Variants in SLC16A12 observed in about 807,000 individuals in gnomAD.
SLC16A12 encodes the protein solute carrier family 16 member 12.
A neutral mutation model predicts 42.4 loss-of-function variants in SLC16A12; 17 were observed. The ratio of observed to expected loss-of-function variants is 0.40; its 90% CI spans 0.27 to 0.60. SLC16A12 has a LOEUF of 0.60. Ranked by LOEUF, SLC16A12 falls within the 20% of genes least tolerant of loss-of-function variation. The pLI is 0.42. For missense variants in SLC16A12, 544 were observed against 623.0 expected, an observed-to-expected ratio of 0.87 and a Z score of 1.35; for synonymous variants, 224 against 229.4, an observed-to-expected ratio of 0.98 and a Z score of 0.21.
rs577592330 is a variant in SLC16A12 at position 89,476,188 on chromosome 10, T to A, written c.-46-13564A>T. ...TATGGCATCATTAAGTCAGATTATA[T>A]CGGAGGCATCTTGGCTGTAAAGGAG... On this transcript the variant is annotated intron_variant, in intron 2 of 7. Transcript: ENST00000371790. Among the ~76,000 whole-genome samples, 165 of 152,294 alleles carry A rather than the reference T, an allele frequency of 1.1e-3. 1 individual carries two copies. Among genetic ancestry groups the A allele is most frequent in the Non-Finnish European group, 4.7e-4 (32 of 68,036 alleles).
intron 3 of SLC16A12, among the ~76,000 whole-genome samples, chr10:89,445,519 G>A (rs1202149085): frequency 5.3e-5 from 8 of 152,228 alleles, no homozygotes; most frequent in Non-Finnish European, 8.8e-5. Context: ...GGACCTGACT[G>A]TTAGAAGGAA....
chr10:89,486,665 AAAGAAAG>A (rs1253452263), intron 2 of SLC16A12, among the ~76,000 whole-genome samples: 1 of 90,294 alleles, frequency 1.1e-5, no homozygotes. Context: ...GAAAGAAAGA[AAAGAAAG>A]AAAGAAAGAA....
chr10:89,457,018 G>A (rs1055472510), intron 3 of SLC16A12, among the ~76,000 whole-genome samples: 3 of 152,076 alleles, frequency 2.0e-5, no homozygotes, highest in Admixed American at 6.6e-5. Flanking sequence ...CTGAACATAC[G>A]TGTGCATATA....
At chr10:89,539,902 T>TTTCC (rs1554834028), upstream of SLC16A12, among the ~76,000 whole-genome samples, 1 of 147,986 alleles carries the variant, frequency 6.8e-6, no homozygotes, top group African/African-American at 2.6e-5. Context: ...TCTTTCTTTC[T>TTTCC]TTCTTTCTTT....
intron 2 of SLC16A12, among the ~76,000 whole-genome samples, chr10:89,555,547 A>G (rs1843807272): frequency 6.8e-6 from 1 of 146,368 alleles, no homozygotes. Context: ...ATGTATGTAT[A>G]TACGTATATA....
chr10:89,550,422 G>A (rs558809834), intron 2 of SLC16A12, among the ~76,000 whole-genome samples: 2 of 152,190 alleles, frequency 1.3e-5, no homozygotes, highest in African/African-American at 2.4e-5. Context: ...GGGAGGCTGA[G>A]ACAGGAGAAT....
intron 2 of SLC16A12, among the ~76,000 whole-genome samples, chr10:89,523,902 G>A (rs1351323311): frequency 6.6e-6 from 1 of 152,124 alleles, no homozygotes; most frequent in South Asian, 2.1e-4. Context: ...TAAAACAAAA[G>A]GTGCAATGAC....
intron 2 of SLC16A12, among the ~76,000 whole-genome samples, chr10:89,507,877 G>A (rs1843091109): frequency 6.6e-6 from 1 of 152,176 alleles, no homozygotes; most frequent in South Asian, 2.1e-4. Flanking sequence ...TAAAGGGATG[G>A]AGGAAGATCT....
rs1029853996 is a variant in SLC16A12, at chr10:89,441,359, C to T, written c.305-108G>A. The T allele has an allele frequency of 2.2e-6, 3 of 1,352,858 alleles. No individual in the cohort carries two copies. The Admixed American group carries it at 5.6e-5, about 25-fold the overall frequency. The allele number at this position is 1,352,858 out of a possible 1,614,324, so 83.8% of individuals were successfully genotyped here. The stretch of plus-strand genomic sequence containing the variant: ...AGAACCTTTAAAGCATTGAGCCCAC[C>T]CTATTAATTCTGCAGCTTTGGAAAC... On this transcript the variant is annotated intron_variant, in intron 4 of 7. Transcript: ENST00000371790.
intron 2 of SLC16A12, among the ~76,000 whole-genome samples, chr10:89,542,696 A>G (rs1279992524): frequency 2.0e-5 from 3 of 152,140 alleles, no homozygotes; most frequent in Admixed American, 1.3e-4. Context: ...GAACCACTAT[A>G]CTTCCATTAC....
At chr10:89,538,265 C>G (rs1231057902), upstream of SLC16A12, among the ~76,000 whole-genome samples, 1 of 152,232 alleles carries the variant, frequency 6.6e-6, no homozygotes, top group East Asian at 1.9e-4. Context: ...CCAAATAGCA[C>G]TGTCCAACAG....
chr10:89,437,362 T>C (rs1012925490), intron 6 of SLC16A12, among the ~76,000 whole-genome samples: 1 of 152,212 alleles, frequency 6.6e-6, no homozygotes. Context: ...TACAAACATT[T>C]TTCTACTCAC....
intron 2 of SLC16A12, among the ~76,000 whole-genome samples, chr10:89,496,982 C>T (rs1281095986): frequency 6.6e-6 from 1 of 152,120 alleles, no homozygotes; most frequent in Non-Finnish European, 1.5e-5. Context: ...CCAATGAACA[C>T]ATGAAAAGAT....
chr10:89,532,101 C>G (rs571053876), intron 2 of SLC16A12, among the ~76,000 whole-genome samples: 1 of 152,268 alleles, frequency 6.6e-6, no homozygotes, highest in African/African-American at 2.4e-5. Context: ...AATCCTTATA[C>G]AAATCTTTTA....
chr10:89,538,577 A>C (rs1265175122), upstream of SLC16A12, among the ~76,000 whole-genome samples: 2 of 152,230 alleles, frequency 1.3e-5, no homozygotes, highest in Non-Finnish European at 2.9e-5. Context: ...AAATGAGCCC[A>C]GATACCCAGC....
At chr10:89,535,960 C>T (rs1242214305), upstream of SLC16A12, among the ~76,000 whole-genome samples, 1 of 152,254 alleles carries the variant, frequency 6.6e-6, no homozygotes, top group Non-Finnish European at 1.5e-5. Flanking sequence ...CCGCCGGGGA[C>T]TCTGCCTGGC....
chr10:89,522,971 T>C (rs1384231234), intron 2 of SLC16A12, among the ~76,000 whole-genome samples: 1 of 152,236 alleles, frequency 6.6e-6, no homozygotes, highest in Admixed American at 6.5e-5. Flanking sequence ...ATTATTTTCC[T>C]CCATTTCCTA....
chr10:89,550,783 A>G (rs1377171991), intron 2 of SLC16A12, among the ~76,000 whole-genome samples: 1 of 152,104 alleles, frequency 6.6e-6, no homozygotes, highest in African/African-American at 2.4e-5. Context: ...TCCTGCCTAG[A>G]AAGCTCTTCA....
At position 89,432,014 on chromosome 10, in the gene SLC16A12, CT is replaced by C. The variant is rs756312822; in HGVS notation, c.*1049del. 9 of 152,686 alleles carry C rather than the reference CT, an allele frequency of 5.9e-5. No individual in the cohort carries two copies. The highest frequency in any genetic ancestry group is 1.2e-4 in the Non-Finnish European group (8 of 68,022). The allele number at this position is 152,686 out of a possible 1,614,324, so 9.5% of individuals were successfully genotyped here. On this transcript the variant is annotated 3_prime_UTR_variant, in exon 8 of 8. Transcript: ENST00000371790. ...CAGACAACTGACTCCCTCCAATCCT[CT>C]TTTGGGTAATGATAAAACTAAATGT...
Sources: allele counts gnomAD v4.1 joint callset (sites outside exome capture counted in the v4.1 genomes callset), GRCh38; gene constraint gnomAD v4.1.1; transcripts MANE v1.5; gene names NCBI Gene and HGNC (gene_info 2026-07-23, HGNC 2026-07-21).